Variants in MPHOSPH9 observed in about 807,000 individuals in gnomAD.
MPHOSPH9 encodes M-phase phosphoprotein 9.
MPHOSPH9 carries 88 observed loss-of-function variants against 145.5 expected under a neutral mutation model. The ratio of observed to expected loss-of-function variants is 0.60; its 90% CI spans 0.51 to 0.72. The LOEUF is 0.72. Among genes scored for constraint, MPHOSPH9 ranks in the 30% least tolerant of loss-of-function variants. The pLI is 0.00. For missense variants in MPHOSPH9, 1,238 were observed against 1,386.6 expected, an observed-to-expected ratio of 0.89 and a Z score of 1.70; for synonymous variants, 435 against 486.2, an observed-to-expected ratio of 0.89 and a Z score of 1.39.
intron 3 of MPHOSPH9, among the ~76,000 whole-genome samples, chr12:123,224,026 C>T (rs1274846866): frequency 6.6e-6 from 1 of 151,546 alleles, no homozygotes; most frequent in Admixed American, 6.6e-5. Context: ...CCTCCGCCTC[C>T]CGTGTTCAAG....
chr12:123,181,037 G>T, intron 14 of MPHOSPH9, 126 bp downstream of exon 14: 1 of 834,348 alleles, frequency 1.2e-6, no homozygotes, highest in Non-Finnish European at 2.0e-6. Context: ...GATAAGCAAG[G>T]TTCCAGTTCA....
At chr12:123,193,826 T>TG (rs1185283221) in intron 13 of MPHOSPH9, among the ~76,000 whole-genome samples, 1 of 151,676 alleles carries the variant, frequency 6.6e-6, no homozygotes, top group Non-Finnish European at 1.5e-5. Flanking sequence ...AGACACAGTT[T>TG]TTTTTTTTTT....
chr12:123,235,589 G>T (rs936131165), upstream of MPHOSPH9, among the ~76,000 whole-genome samples: 1 of 150,880 alleles, frequency 6.6e-6, no homozygotes, highest in African/African-American at 2.4e-5. Flanking sequence ...AGCCAGGTTG[G>T]TCTCGATCTC....
chr12:123,196,546 A>G (rs2045954529), intron 12 of MPHOSPH9, among the ~76,000 whole-genome samples: 1 of 152,140 alleles, frequency 6.6e-6, no homozygotes, highest in Admixed American at 6.6e-5. Context: ...AAAGATTGGG[A>G]ATGACATAAC....
At chr12:123,225,455 AAAAAAG>A (rs898089691) in intron 3 of MPHOSPH9, among the ~76,000 whole-genome samples, 4 of 145,178 alleles carry the variant, frequency 2.8e-5, no homozygotes, top group Admixed American at 7.0e-5. Context: ...AAAAAAAAAA[AAAAAAG>A]AAAGAAAGAA....
At chr12:123,194,819 A>G (rs1377543984) in intron 12 of MPHOSPH9, among the ~76,000 whole-genome samples, 1 of 151,814 alleles carries the variant, frequency 6.6e-6, no homozygotes, top group Non-Finnish European at 1.5e-5. Flanking sequence ...ACAGGGTTTC[A>G]CTATGTTGGC....
intron 15 of MPHOSPH9, among the ~76,000 whole-genome samples, 187 bp downstream of exon 15, chr12:123,179,736 GAGA>G (rs2045041862): frequency 3.9e-5 from 3 of 77,844 alleles, no homozygotes; most frequent in East Asian, 9.8e-4. Context: ...AAAAAAAAAA[GAGA>G]GAGAGAGAGA....
chr12:123,207,852 CAAAGAAAAAAAAA>C (rs1233603282), intron 8 of MPHOSPH9, among the ~76,000 whole-genome samples: 2 of 80,892 alleles, frequency 2.5e-5, no homozygotes, highest in African/African-American at 4.8e-5. Context: ...GACTCCGCCT[CAAAGAAAAAAAAA>C]AAAGAAAAAA....
chr12:123,165,880 A>T (rs2044297621), intron 17 of MPHOSPH9, among the ~76,000 whole-genome samples: 1 of 152,228 alleles, frequency 6.6e-6, no homozygotes, highest in Non-Finnish European at 1.5e-5. Flanking sequence ...TAAAACACAC[A>T]CTTTACTGGG....
chr12:123,171,522 G>A (rs1197550572), intron 16 of MPHOSPH9, among the ~76,000 whole-genome samples: 3 of 151,922 alleles, frequency 2.0e-5, no homozygotes, highest in African/African-American at 4.8e-5. Flanking sequence ...GCTGAGGTGG[G>A]CGGATCACTT....
chr12:123,203,075 G>T lies in MPHOSPH9; in HGVS notation c.1330C>A (p.Leu444Ile). 6.2e-7 allele frequency: 1 copy of T among 1,611,888 alleles called. No homozygotes were observed. Among genetic ancestry groups the T allele is most frequent in the Non-Finnish European group, 8.5e-7 (1 of 1,179,154 alleles). The change falls in exon 10 of 24, where the codon CTA (leucine) becomes ATA (isoleucine). Residue 444 changes from leucine (L) to isoleucine (I), a missense_variant. Around this residue, in one of 3 missense-constraint regions of MPHOSPH9, gnomAD observed 837 missense variants for 897.5 expected, o/e 0.93. Transcript: ENST00000606320. Reference protein sequence around the residue: ...NPNHPPEVLTLDPTLHMKPKQ... With the variant: ...NPNHPPEVLTIDPTLHMKPKQ... Reference sequence around the variant, plus strand: ...GGCTTCATGTGTAACGTAGGATCTAGAGTCAGGACCTGGAAACCAGACAAC... The same window carrying T: ...GGCTTCATGTGTAACGTAGGATCTATAGTCAGGACCTGGAAACCAGACAAC...
chr12:123,169,361 T>C (rs2044474044), intron 16 of MPHOSPH9, among the ~76,000 whole-genome samples: 1 of 151,006 alleles, frequency 6.6e-6, no homozygotes, highest in Non-Finnish European at 1.5e-5. Context: ...TAGCCAGGTG[T>C]GGTGACGGGC....
chr12:123,183,786 A>G (rs1224963820), intron 13 of MPHOSPH9, among the ~76,000 whole-genome samples: 1 of 152,124 alleles, frequency 6.6e-6, no homozygotes, highest in Non-Finnish European at 1.5e-5. Context: ...GACACATCCC[A>G]TACAGCAGTA....
chr12:123,175,585 C>A (rs2044815377), intron 16 of MPHOSPH9, among the ~76,000 whole-genome samples: 1 of 152,098 alleles, frequency 6.6e-6, no homozygotes, highest in Admixed American at 6.6e-5. Context: ...ATATGCTAAG[C>A]TCTTTCCTAC....
chr12:123,226,521 C>CTTT (rs200868180), intron 3 of MPHOSPH9, among the ~76,000 whole-genome samples: 1 of 145,012 alleles, frequency 6.9e-6, no homozygotes, highest in African/African-American at 2.5e-5. Flanking sequence ...TTTATATATA[C>CTTT]TTTTTTTTTT....
In MPHOSPH9 at chr12:123,221,635, A is replaced by T. The variant is rs748065036; in HGVS notation, c.609T>A (p.Cys203Ter). The change falls in exon 5 of 24, where the codon TGT becomes TGA. Residue 203 changes from cysteine to a stop codon, truncating the protein, a stop_gained. Transcript: ENST00000606320. LOFTEE classifies it high-confidence loss of function. Reference protein sequence around the residue: ...CSVSSGYGTFCISELNLYKSK... With the variant: ...CSVSSGYGTF ...ATTTGTACAGATTTAATTCTGAGAT[A>T]CAAAAGGTGCCATATCCACTGCTTA... The T allele has an allele frequency of 6.2e-7, 1 of 1,614,230 alleles. No homozygotes were observed.
chr12:123,193,071 C>CAA (rs768866302), intron 13 of MPHOSPH9, among the ~76,000 whole-genome samples: 4 of 29,590 alleles, frequency 1.4e-4, no homozygotes, highest in African/African-American at 5.8e-4. Context: ...GATTGTCTTT[C>CAA]AAAAAAAAAA....
intron 1 of MPHOSPH9, among the ~76,000 whole-genome samples, chr12:123,239,862 T>C (rs891060116): frequency 6.6e-6 from 1 of 152,166 alleles, no homozygotes; most frequent in African/African-American, 2.4e-5. Flanking sequence ...TTAATTCTTT[T>C]CTTGGGACGA....
intron 16 of MPHOSPH9, 53 bp from the exon 17 acceptor site, chr12:123,166,842 C>T (rs906666019): frequency 6.4e-7 from 1 of 1,564,996 alleles, no homozygotes; most frequent in Non-Finnish European, 8.6e-7. Flanking sequence ...TCATTTCAGA[C>T]TGCATGTGCA....
Sources: gnomAD v4.1 joint callset for allele counts (sites outside exome capture counted in the v4.1 genomes callset) on GRCh38, gnomAD v4.1.1 for gene constraint, gnomAD v4.1.1 regional missense constraint, MANE v1.5 for transcripts, NCBI Gene and HGNC (gene_info 2026-07-23, HGNC 2026-07-21) for gene names.